ALDH8A1: variants seen among roughly 807,000 people sequenced by gnomAD.
The protein encoded by ALDH8A1 is aldehyde dehydrogenase 8 family member A1.
A neutral mutation model predicts 43.3 loss-of-function variants in ALDH8A1; 39 were observed. That is an observed-to-expected ratio of 0.90 (90% confidence interval 0.70 to 1.18). The LOEUF (loss-of-function observed/expected upper bound fraction) is 1.18, where lower values mean the gene tolerates loss of function less well. Ranked by LOEUF, ALDH8A1 falls within the 50% of genes most tolerant of loss-of-function variation. The probability of loss-of-function intolerance (pLI) is 0.00; values close to 1 mark genes in which losing one functional copy is unlikely to be tolerated. For missense variants in ALDH8A1, 605 were observed against 622.6 expected (o/e 0.97, Z 0.30); for synonymous variants, 233 against 243.5 (o/e 0.96, Z 0.40).
intron 6 of ALDH8A1, among the ~76,000 whole-genome samples, chr6:134,928,107 T>TA (rs954886013): frequency 1.3e-5 from 2 of 152,216 alleles, no homozygotes; most frequent in African/African-American, 4.8e-5. Context: ...GCTGCTCTGC[T>TA]AATAACTTGG....
intron 5 of ALDH8A1, among the ~76,000 whole-genome samples, chr6:134,930,190 G>T (rs1776959352): frequency 6.6e-6 from 1 of 152,186 alleles, no homozygotes; most frequent in African/African-American, 2.4e-5. Context: ...GCCGCAGAGT[G>T]GATGGTGGTG....
intron 6 of ALDH8A1, among the ~76,000 whole-genome samples, chr6:134,927,574 T>C (rs1265774712): frequency 5.3e-5 from 8 of 152,250 alleles, no homozygotes; most frequent in Admixed American, 2.0e-4. Context: ...TCAATACTTT[T>C]ATTTGTTTCA....
intron 4 of ALDH8A1, 99 bp downstream of exon 4, chr6:134,939,167 A>G (rs1205954104): frequency 6.6e-7 from 1 of 1,519,766 alleles, no homozygotes; most frequent in Non-Finnish European, 9.0e-7. Flanking sequence ...AAAGCCCATG[A>G]TGTCACTGGA....
rs755263036 is a variant in ALDH8A1 at position 134,942,426 on chromosome 6, C to T, written c.425G>A (p.Arg142Gln). ...GCACTCACCGACTCCCACCGGGGCC[C>T]GCACCGTGTAGTGCATGCAGCCCAG... is the stretch of plus-strand genomic sequence containing the variant. ...DHLGCMHYTV[R>Q]APVGVAGLIS... Residue 142 changes from arginine (R) to glutamine (Q), a missense_variant, in exon 3 of 7, where the codon CGG becomes CAG. By Grantham distance (43) the Arg-to-Gln change is conservative. Coordinates refer to ENST00000265605, the MANE Select transcript of ALDH8A1 (RefSeq NM_022568.4). The T allele has an allele frequency of 2.7e-5, 44 of 1,613,144 alleles. 1 individual carries two copies. The highest frequency in any genetic ancestry group is 2.2e-4 in the Admixed American group (13 of 59,950).
chr6:134,945,060 C>T (rs1293280098), intron 1 of ALDH8A1, among the ~76,000 whole-genome samples: 1 of 151,394 alleles, frequency 6.6e-6, no homozygotes, highest in African/African-American at 2.4e-5. Flanking sequence ...GAAATCACAT[C>T]CTCAGATTGT....
At chr6:134,924,358 C>T (rs1776852389) in intron 6 of ALDH8A1, among the ~76,000 whole-genome samples, 1 of 152,228 alleles carries the variant, frequency 6.6e-6, no homozygotes, top group African/African-American at 2.4e-5. Context: ...GCCACCACAA[C>T]CTTGCCCAAA....
chr6:134,932,671 A>G, intron 5 of ALDH8A1, 105 bp downstream of exon 5: 2 of 1,469,180 alleles, frequency 1.4e-6, no homozygotes, highest in Non-Finnish European at 1.8e-6. Flanking sequence ...TTTCTCGGAA[A>G]TGGCACTGGA....
chr6:134,945,967 A>G (rs1237417922), intron 1 of ALDH8A1, among the ~76,000 whole-genome samples: 1 of 152,124 alleles, frequency 6.6e-6, no homozygotes, highest in African/African-American at 2.4e-5. Flanking sequence ...TATAAATGGT[A>G]GTTTTTCTTG....
At chr6:134,946,982 C>T (rs1773964875) in intron 1 of ALDH8A1, among the ~76,000 whole-genome samples, 2 of 152,162 alleles carry the variant, frequency 1.3e-5, no homozygotes, top group African/African-American at 4.8e-5. Context: ...TTAAAATATA[C>T]TACAAAGCTA....
intron 1 of ALDH8A1, among the ~76,000 whole-genome samples, chr6:134,946,397 C>T (rs1773949645): frequency 6.6e-6 from 1 of 152,112 alleles, no homozygotes; most frequent in South Asian, 2.1e-4. Context: ...TTTTGCTATT[C>T]AGAAAATTCA....
intron 4 of ALDH8A1, among the ~76,000 whole-genome samples, chr6:134,936,675 A>G (rs1773748413): frequency 6.6e-6 from 1 of 152,246 alleles, no homozygotes; most frequent in Non-Finnish European, 1.5e-5. Flanking sequence ...AAATGCGCTC[A>G]CTGCGGCAGC....
intron 4 of ALDH8A1, among the ~76,000 whole-genome samples, chr6:134,936,328 T>C (rs1227681900): frequency 6.6e-6 from 1 of 152,178 alleles, no homozygotes; most frequent in African/African-American, 2.4e-5. Flanking sequence ...CAGTCCTGGA[T>C]TGTAGGTCAC....
At chr6:134,933,072 T>G in intron 4 of ALDH8A1, 40 bp from the exon 5 acceptor site, 1 of 1,497,394 alleles carries the variant, frequency 6.7e-7, no homozygotes, top group South Asian at 1.4e-5. Context: ...ATTCTCAGTA[T>G]GTTGAAGAGT....
intron 1 of ALDH8A1, among the ~76,000 whole-genome samples, chr6:134,944,638 C>G (rs551092851): frequency 6.6e-6 from 1 of 152,052 alleles, no homozygotes; most frequent in South Asian, 2.1e-4. Flanking sequence ...AATCTTAGCA[C>G]TTAGGGAGGC....
chr6:134,927,294 C>G lies in ALDH8A1; in HGVS notation c.1011+1760G>C, dbSNP rs534230014. Reference sequence around the variant, plus strand: ...AACAGTGGCCCATTTCAGTTTAGTACATGTTAAAAAAGAAAGAAGAAGAAG... The same window carrying G: ...AACAGTGGCCCATTTCAGTTTAGTAGATGTTAAAAAAGAAAGAAGAAGAAG... On this transcript the variant is annotated intron_variant, in intron 6 of 6. Coordinates refer to ENST00000265605, the MANE Select transcript of ALDH8A1 (RefSeq NM_022568.4). Among the ~76,000 whole-genome samples, 9 of 151,840 alleles carry G rather than the reference C, an allele frequency of 5.9e-5. No homozygotes were observed. The South Asian group carries it at 1.9e-3, about 32-fold the overall frequency.
chr6:134,942,184 C>A, intron 3 of ALDH8A1: 1 of 383,304 alleles, frequency 2.6e-6, no homozygotes, highest in Non-Finnish European at 4.4e-6. Flanking sequence ...CATGCCACTG[C>A]ACTCCAGCCT....
chr6:134,924,486 A>G (rs1022154603), intron 6 of ALDH8A1, among the ~76,000 whole-genome samples: 2 of 152,204 alleles, frequency 1.3e-5, no homozygotes, highest in Non-Finnish European at 2.9e-5. Flanking sequence ...AATTGTTTCA[A>G]AACAACATTC....
chr6:134,923,183 C>A (rs142811353), intron 6 of ALDH8A1, among the ~76,000 whole-genome samples: 1 of 152,016 alleles, frequency 6.6e-6, no homozygotes, highest in South Asian at 2.1e-4. Flanking sequence ...CGCACTACCA[C>A]GCCTGGCTAA....
chr6:134,922,388 C>T (rs990386844), intron 6 of ALDH8A1, among the ~76,000 whole-genome samples: 2 of 151,626 alleles, frequency 1.3e-5, no homozygotes, highest in African/African-American at 4.8e-5. Context: ...CCTTGAATAA[C>T]TTTTTTTTTC....
Sources: gnomAD v4.1 joint callset for allele counts (sites outside exome capture counted in the v4.1 genomes callset) on GRCh38, gnomAD v4.1.1 for gene constraint, MANE v1.5 for transcripts, NCBI Gene and HGNC (gene_info 2026-07-23, HGNC 2026-07-21) for gene names.